Variants in NEDD4 observed in about 807,000 individuals in gnomAD.
The protein encoded by NEDD4 is NEDD4 E3 ubiquitin protein ligase, also known as E3 ubiquitin-protein ligase NEDD4.
A neutral mutation model predicts 144.9 loss-of-function variants in NEDD4; 99 were observed. That is an observed-to-expected ratio of 0.68 (90% CI 0.58 to 0.81). The LOEUF (loss-of-function observed/expected upper bound fraction) is 0.81. Ranked by LOEUF, NEDD4 falls within the 30% of genes least tolerant of loss-of-function variation. The probability of loss-of-function intolerance (pLI) is 0.00; values close to 1 mark genes in which losing one functional copy is unlikely to be tolerated. For missense variants in NEDD4, 985 were observed against 1,065.9 expected (o/e 0.92, Z 1.06); for synonymous variants, 318 against 350.6 (o/e 0.91, Z 1.04).
At chr15:55,912,115 A>G (rs1314501832) in intron 5 of NEDD4, among the ~76,000 whole-genome samples, 3 of 152,256 alleles carry the variant, frequency 2.0e-5, no homozygotes, top group African/African-American at 7.2e-5. Flanking sequence ...ACTAGTCATT[A>G]ACATTGTGGC....
At chr15:55,851,098 G>A (rs1395866022) in intron 13 of NEDD4, among the ~76,000 whole-genome samples, 1 of 152,184 alleles carries the variant, frequency 6.6e-6, no homozygotes, top group Non-Finnish European at 1.5e-5. Flanking sequence ...GCTGCAAGGG[G>A]AGCTCTCGTG....
intron 5 of NEDD4, among the ~76,000 whole-genome samples, chr15:55,891,994 G>A (rs1319921409): frequency 2.6e-5 from 4 of 152,042 alleles, no homozygotes; most frequent in Non-Finnish European, 4.4e-5. Context: ...GGCTGGGCAC[G>A]GTGGCTCATG....
At chr15:55,931,621 G>A (rs945490042) in intron 4 of NEDD4, among the ~76,000 whole-genome samples, 1 of 152,084 alleles carries the variant, frequency 6.6e-6, no homozygotes, top group South Asian at 2.1e-4. Flanking sequence ...AAAATATCCA[G>A]TTTTCCAAAA....
Position 55,896,334 on chromosome 15 carries a change from C to A in NEDD4, c.292-22326G>T, listed in dbSNP as rs531030440. On this transcript the variant is annotated intron_variant, in intron 5 of 28. Transcript: ENST00000435532. Reference sequence around the variant, plus strand: ...AGTACCTGGGATTAGAGACATGCACCGGTATGCCTGGCTAATTTTTGTATT... The same window carrying A: ...AGTACCTGGGATTAGAGACATGCACAGGTATGCCTGGCTAATTTTTGTATT... Among the ~76,000 whole-genome samples the A allele has an allele frequency of 1.3e-3, 194 of 152,192 alleles. 1 individual carries two copies. Among genetic ancestry groups the A allele is most frequent in the African/African-American group, 4.6e-3 (191 of 41,524 alleles).
At chr15:55,926,061 C>T (rs1331572069) in intron 4 of NEDD4, among the ~76,000 whole-genome samples, 1 of 151,286 alleles carries the variant, frequency 6.6e-6, no homozygotes, top group African/African-American at 2.4e-5. Flanking sequence ...ATGTAAAATA[C>T]ATATACGTAT....
chr15:55,930,311 G>A (rs1422817260), intron 4 of NEDD4, among the ~76,000 whole-genome samples: 4 of 151,860 alleles, frequency 2.6e-5, no homozygotes, highest in African/African-American at 9.7e-5. Flanking sequence ...ACTGACCCTC[G>A]TCCTAGACAA....
In NEDD4 at chr15:55,916,688, T is replaced by C. The variant is rs773268794; in HGVS notation, c.291+7958A>G. ...CAGTCTGTCTGGGAGTCAGCTTCAT[T>C]TGAACAACGTTAGACGTTGAAATCC... On this transcript the variant is annotated intron_variant, in intron 5 of 28. Transcript: ENST00000435532. 3.1e-6 allele frequency: 5 copies of C among 1,614,064 alleles called. No individual in the cohort carries two copies. The South Asian group carries it at 4.4e-5, about 14-fold the overall frequency.
At chr15:55,857,620 G>A (rs2034249059) in intron 11 of NEDD4, among the ~76,000 whole-genome samples, 1 of 152,146 alleles carries the variant, frequency 6.6e-6, no homozygotes, top group Admixed American at 6.6e-5. Flanking sequence ...AAGATGCCCA[G>A]TCTTAAATTT....
chr15:55,885,639 C>T (rs181935804), intron 5 of NEDD4, among the ~76,000 whole-genome samples: 1 of 151,966 alleles, frequency 6.6e-6, no homozygotes, highest in Non-Finnish European at 1.5e-5. Context: ...AAAACAATAA[C>T]TTATAAAATA....
intron 5 of NEDD4, among the ~76,000 whole-genome samples, chr15:55,889,954 C>T (rs1334876063): frequency 6.6e-6 from 1 of 152,026 alleles, no homozygotes; most frequent in Admixed American, 6.6e-5. Flanking sequence ...CTGCCCACAT[C>T]GGCCTCCCAA....
At chr15:55,983,829 T>G (rs1339890314) in intron 1 of NEDD4, among the ~76,000 whole-genome samples, 1 of 152,218 alleles carries the variant, frequency 6.6e-6, no homozygotes, top group South Asian at 2.1e-4. Flanking sequence ...CAGGCTGGTC[T>G]CGAACTCCTG....
At chr15:55,874,099 G>T in intron 5 of NEDD4, 91 bp from the exon 6 acceptor site, 1 of 687,078 alleles carries the variant, frequency 1.5e-6, no homozygotes, top group Non-Finnish European at 2.4e-6. Context: ...CACAGAAAAT[G>T]TAGAGTTTTT....
chr15:55,979,917 C>CTT (rs11425037), intron 1 of NEDD4, among the ~76,000 whole-genome samples: 4 of 146,334 alleles, frequency 2.7e-5, no homozygotes, highest in Admixed American at 6.8e-5. Flanking sequence ...ATAATTATTA[C>CTT]TTTTTTTTTT....
intron 4 of NEDD4, among the ~76,000 whole-genome samples, chr15:55,927,422 T>A (rs1566955643): frequency 1.3e-5 from 2 of 152,208 alleles, no homozygotes; most frequent in Non-Finnish European, 2.9e-5. Context: ...CACCTCAGCC[T>A]CCTGAGGGTC....
chr15:55,831,389 C>G (rs188831445), intron 27 of NEDD4, among the ~76,000 whole-genome samples: 75 of 152,228 alleles, frequency 4.9e-4, no homozygotes, highest in Non-Finnish European at 5.3e-4. Flanking sequence ...AAATTTCAAA[C>G]AGTGCATGAA....
chr15:55,898,153 T>C (rs2035796548), intron 5 of NEDD4, among the ~76,000 whole-genome samples: 1 of 152,156 alleles, frequency 6.6e-6, no homozygotes, highest in African/African-American at 2.4e-5. Flanking sequence ...TACACAATGT[T>C]CCAAAAGGAA....
chr15:55,963,313 C>G (rs72734345), intron 2 of NEDD4, among the ~76,000 whole-genome samples: 20,273 of 150,764 alleles, frequency 0.13, 1,449 homozygotes, highest in East Asian at 0.32. Flanking sequence ...TTGACTTTTT[C>G]TAGTGACAGG....
chr15:55,924,009 G>C (rs2142232527), intron 5 of NEDD4, among the ~76,000 whole-genome samples: 1 of 152,148 alleles, frequency 6.6e-6, no homozygotes, highest in South Asian at 2.1e-4. Flanking sequence ...GTTTGAGATT[G>C]GATCCTCAGA....
At chr15:55,978,817 T>C (rs2037747103) in intron 1 of NEDD4, among the ~76,000 whole-genome samples, 1 of 151,702 alleles carries the variant, frequency 6.6e-6, no homozygotes, top group Non-Finnish European at 1.5e-5. Context: ...TAATGTGTTA[T>C]CTATGCGGGC....
Sources: gnomAD v4.1 joint callset for allele counts (sites outside exome capture counted in the v4.1 genomes callset) on GRCh38, gnomAD v4.1.1 for gene constraint, MANE v1.5 for transcripts, NCBI Gene and HGNC (gene_info 2026-07-23, HGNC 2026-07-21) for gene names.